The following NOTCH1 variants were observed in gnomAD, a reference collection of about 807,000 sequenced individuals.
The protein encoded by NOTCH1 is notch receptor 1, also known as neurogenic locus notch homolog protein 1.
NOTCH1 carries 37 observed loss-of-function variants against 254.8 expected under a neutral mutation model. That is an observed-to-expected ratio of 0.15 (90% CI 0.11 to 0.19). NOTCH1 has a LOEUF of 0.19. Ranked by LOEUF, NOTCH1 falls within the 10% of genes least tolerant of loss-of-function variation. NOTCH1 has a pLI of 1.00. For synonymous variants in NOTCH1, 1,731 were observed against 1,618.1 expected, an observed-to-expected ratio of 1.07 and a Z score of -1.68; for missense variants, 2,972 against 3,708.6, an observed-to-expected ratio of 0.80 and a Z score of 5.16.
intron 1 of NOTCH1, 22 bp from the exon 2 acceptor site, chr9:136,544,124 G>A (rs773619162): frequency 6.4e-7 from 1 of 1,556,924 alleles, no homozygotes; most frequent in Non-Finnish European, 8.7e-7. Flanking sequence ...CAGGAGAAGA[G>A]AGGTCAGTCT....
intron 2 of NOTCH1, among the ~76,000 whole-genome samples, chr9:136,525,723 C>T (rs1269975027): frequency 1.3e-5 from 2 of 152,252 alleles, no homozygotes; most frequent in African/African-American, 4.8e-5. Context: ...CAAACCTGTG[C>T]TATGTGTGGC....
chr9:136,505,169 C>A (rs1464740066), intron 25 of NOTCH1, 65 bp from the exon 26 acceptor site: 2 of 1,554,884 alleles, frequency 1.3e-6, no homozygotes, highest in Non-Finnish European at 8.7e-7. Flanking sequence ...CGTCCGGTGC[C>A]TCCAGCCCAC....
Position 136,506,054 on chromosome 9 carries a change from G to C in NOTCH1, c.4015-173C>G, listed in dbSNP as rs1447232887. Among the ~76,000 whole-genome samples, 1 of 152,186 alleles carries C rather than the reference G, an allele frequency of 6.6e-6. No homozygotes were observed. Among genetic ancestry groups the C allele is most frequent in the Non-Finnish European group, 1.5e-5 (1 of 68,024 alleles). ...TACACACATTCTACCAACAGAGAAA[G>C]ATCGGGGGTGCCAGGGGGTCGGGAG... On this transcript the variant is annotated intron_variant, in intron 24 of 33. Transcript: ENST00000651671. This position sits in a 1 kb window ranked among gnomAD's most constrained non-coding sequence, Gnocchi z 4.5.
In NOTCH1 at chr9:136,496,019, C is replaced by A. The variant is rs2133313387; in HGVS notation, c.*52G>T. ...GGCCCTGGCATCCACAGAGCGCACA[C>A]AGACGCCCGAAGGCTTGGGAAAGGA... On this transcript the variant is annotated 3_prime_UTR_variant, in exon 34 of 34. Coordinates refer to ENST00000651671, the MANE Select transcript of NOTCH1 (RefSeq NM_017617.5). 1.4e-5 allele frequency: 22 copies of A among 1,564,288 alleles called. No homozygotes were observed. The highest frequency in any genetic ancestry group is 1.7e-5 in the Non-Finnish European group (20 of 1,160,990).
rs2133313027 is a variant in NOTCH1 at position 136,495,728 on chromosome 9, C to T, written c.*343G>A. 2.4e-6 allele frequency: 1 copy of T among 409,426 alleles called. No homozygotes were observed. Among genetic ancestry groups the T allele is most frequent in the Non-Finnish European group, 4.3e-6 (1 of 231,882 alleles). The allele number at this position is 409,426 out of a possible 1,614,324, so 25.4% of individuals were successfully genotyped here. On this transcript the variant is annotated 3_prime_UTR_variant, in exon 34 of 34. Transcript: ENST00000651671. ...AAAAAAGGAATCAATAAATAAATGGCATTTATAAATCATGAATCTTTGTTT... is the reference window on the plus strand; with the variant it reads ...AAAAAAGGAATCAATAAATAAATGGTATTTATAAATCATGAATCTTTGTTT...
At position 136,509,947 on chromosome 9, in the gene NOTCH1, C is replaced by T. The variant is rs1478316908; in HGVS notation, c.2755G>A (p.Gly919Arg). 5.0e-6 allele frequency: 8 copies of T among 1,613,010 alleles called. No homozygotes were observed. The highest frequency in any genetic ancestry group is 4.0e-5 in the African/African-American group (3 of 74,938). The change falls in exon 18 of 34, where the codon GGG (glycine) becomes AGG (arginine). Residue 919 changes from glycine to arginine, a missense_variant. Gly to Arg is a moderately radical substitution (Grantham distance 125). Coordinates refer to ENST00000651671, the MANE Select transcript of NOTCH1 (RefSeq NM_017617.5). ...DDCRPNPCHN[G>R]GSCTDGINTA... ...TTGATGCCGTCTGTGCAGGAGCCCCCGTTGTGACACGGGTCTGGGAGAGGA... is the reference window on the plus strand; with the variant it reads ...TTGATGCCGTCTGTGCAGGAGCCCCTGTTGTGACACGGGTCTGGGAGAGGA...
intron 22 of NOTCH1, 129 bp downstream of exon 22, chr9:136,507,176 T>C: frequency 1.9e-6 from 3 of 1,540,636 alleles, no homozygotes; most frequent in Non-Finnish European, 2.7e-6. Context: ...GAGTCGGCCT[T>C]GGCCTCACAC....
At chr9:136,517,508 C>T (rs1843295458) in intron 8 of NOTCH1, 123 bp from the exon 9 acceptor site, 2 of 829,548 alleles carry the variant, frequency 2.4e-6, no homozygotes, top group African/African-American at 3.4e-5. Flanking sequence ...CCACGGGCCC[C>T]CTGCGCACCC....
Position 136,515,693 on chromosome 9 carries a change from C to T in NOTCH1, c.1693G>A (p.Val565Met), listed in dbSNP as rs750330670. The part of the protein sequence containing the change: ...TEGYTGTHCE[V>M]DIDECDPDPC... Reference sequence around the variant, plus strand: ...TCGGGGTCGCACTCATCGATGTCCACCTCGCAGTGCGTCCCCGTGTACCCT... The same window carrying T: ...TCGGGGTCGCACTCATCGATGTCCATCTCGCAGTGCGTCCCCGTGTACCCT... The change falls in exon 11 of 34, where the codon GTG becomes ATG. Residue 565 changes from valine to methionine, a missense_variant. Val to Met is a conservative substitution (Grantham distance 21). Transcript: ENST00000651671. 13 of 1,546,912 alleles carry T rather than the reference C, an allele frequency of 8.4e-6. No homozygotes were observed. Among genetic ancestry groups the T allele is most frequent in the Admixed American group, 1.9e-5 (1 of 51,734 alleles).
rs1060502238 is a variant in NOTCH1 at position 136,517,884 on chromosome 9, C to T, written c.1309G>A (p.Glu437Lys). ...GTGTAGCCCTGCAGACACTGGCACT[C>T]GAAGGAGCCCAGCGTGTTGATGCAC... is the stretch of plus-strand genomic sequence containing the variant. Reference protein sequence around the residue: ...GKCINTLGSFECQCLQGYTGP... With the variant: ...GKCINTLGSFKCQCLQGYTGP... The change falls in exon 8 of 34, where the codon GAG (glutamate) becomes AAG (lysine). Residue 437 changes from glutamate (E) to lysine (K), a missense_variant. Glu to Lys is a moderately conservative substitution (Grantham distance 56). Transcript: ENST00000651671. 4.3e-6 allele frequency: 7 copies of T among 1,612,224 alleles called. No homozygotes were observed. The highest frequency in any genetic ancestry group is 4.0e-5 in the African/African-American group (3 of 74,846).
intron 31 of NOTCH1, 29 bp downstream of exon 31, chr9:136,500,523 A>T (rs750885771): frequency 1.1e-5 from 18 of 1,607,048 alleles, no homozygotes; most frequent in Non-Finnish European, 1.4e-5. Flanking sequence ...TGAGGAGGGC[A>T]GGTGGGCACA....
At chr9:136,509,129 A>G (rs1382364493) in intron 18 of NOTCH1, 58 bp from the exon 19 acceptor site, 2 of 1,469,706 alleles carry the variant, frequency 1.4e-6, no homozygotes, top group South Asian at 2.4e-5. Flanking sequence ...TCCCCGCTCC[A>G]GCAGATTCTG....
chr9:136,531,834 G>C (rs566297877), intron 2 of NOTCH1, among the ~76,000 whole-genome samples: 3 of 152,342 alleles, frequency 2.0e-5, no homozygotes, highest in African/African-American at 7.2e-5. Context: ...GCAGATGGAC[G>C]GCGGCTTCAG....
intron 21 of NOTCH1, 122 bp from the exon 22 acceptor site, chr9:136,507,559 G>A (rs1843108717): frequency 7.3e-6 from 10 of 1,373,644 alleles, no homozygotes; most frequent in East Asian, 2.5e-5. Flanking sequence ...GCGAAGCCAC[G>A]GGCCCCTCGC....
In NOTCH1 at chr9:136,506,622, C is replaced by T. The variant is rs746910989; in HGVS notation, c.3919G>A (p.Val1307Ile). 13 of 1,609,848 alleles carry T rather than the reference C, an allele frequency of 8.1e-6. No individual in the cohort carries two copies. Among genetic ancestry groups the T allele is most frequent in the Admixed American group, 6.7e-5 (4 of 59,634 alleles). Reference sequence around the variant, plus strand: ...GGCTTGCCTTTGCAGCCATTGATGACGGACTCGCAGCGGCGCCCTAGGGGT... The same window carrying T: ...GGCTTGCCTTTGCAGCCATTGATGATGGACTCGCAGCGGCGCCCTAGGGGT... Reference protein sequence around the residue: ...AGHTGRRCESVINGCKGKPCK... With the variant: ...AGHTGRRCESIINGCKGKPCK... Residue 1307 changes from valine (V) to isoleucine (I), a missense_variant, in exon 24 of 34, where the codon GTC becomes ATC. By Grantham distance (29) the Val-to-Ile change is conservative (BLOSUM62 3). Transcript: ENST00000651671. The surrounding 1 kb of genome is among the most constrained non-coding windows in gnomAD (Gnocchi z 4.5).
Position 136,545,682 on chromosome 9 carries a change from A to G in NOTCH1, c.61+44T>C. 7.0e-7 allele frequency: 1 copy of G among 1,428,446 alleles called. No homozygotes were observed. The highest frequency in any genetic ancestry group is 9.2e-7 in the Non-Finnish European group (1 of 1,090,712). 88.5% of individuals were successfully genotyped at this position (1,428,446 alleles called of 1,614,324 possible). On this transcript the variant is annotated intron_variant, in intron 1 of 33. Coordinates refer to ENST00000651671, the MANE Select transcript of NOTCH1 (RefSeq NM_017617.5). The surrounding 1 kb of genome is among the most constrained non-coding windows in gnomAD (Gnocchi z 6.8). ...CGCGCCGGGCGCCGCCAAAGTTTCC[A>G]AAGGGCGCGGAAAGTGGGGGCTCGC...
chr9:136,511,189 A>G lies in NOTCH1; in HGVS notation c.2550T>C (p.Tyr850=), dbSNP rs969268360. ...TGGGGCAGACACAGGAGAAGCTCTC[A>G]TAGTCCTCGGATTGCCTGCACTCCC... ...NGGECRQSED[Y]ESFSCVCPTG... is the part of the protein sequence containing the mutation. Residue 850 remains tyrosine (Y), a synonymous_variant, in exon 16 of 34, where the codon TAT becomes TAC. Transcript: ENST00000651671. 8.1e-6 allele frequency: 13 copies of G among 1,612,842 alleles called. No individual in the cohort carries two copies. The highest frequency in any genetic ancestry group is 1.6e-4 in the Middle Eastern group (1 of 6,062).
intron 15 of NOTCH1, among the ~76,000 whole-genome samples, chr9:136,512,386 C>T (rs1017160234): frequency 3.3e-5 from 5 of 152,188 alleles, no homozygotes; most frequent in Admixed American, 6.5e-5. Flanking sequence ...TCCTGGGGAG[C>T]GCCAGGACCC....
chr9:136,513,459 A>G lies in NOTCH1; in HGVS notation c.2286T>C (p.Cys762=). Residue 762 remains cysteine, a synonymous_variant, in exon 14 of 34, where the codon TGT becomes TGC. Transcript: ENST00000651671. This position sits in a 1 kb window ranked among gnomAD's most constrained non-coding sequence, Gnocchi z 4.7. ...INNNECESNP[C]VNGGTCKDMT... ...TGTCTTTGCAGGTGCCGCCGTTGACACAAGGGTTGGATTCACACTCATTGT... is the reference window on the plus strand; with the variant it reads ...TGTCTTTGCAGGTGCCGCCGTTGACGCAAGGGTTGGATTCACACTCATTGT... 1.2e-6 allele frequency: 2 copies of G among 1,613,170 alleles called. No homozygotes were observed. Among genetic ancestry groups the G allele is most frequent in the East Asian group, 2.2e-5 (1 of 44,892 alleles).
Sources: allele counts gnomAD v4.1 joint callset (sites outside exome capture counted in the v4.1 genomes callset), GRCh38; gene constraint gnomAD v4.1.1; non-coding constraint Gnocchi (gnomAD v3.1); transcripts MANE v1.5; gene names NCBI Gene and HGNC (gene_info 2026-07-23, HGNC 2026-07-21).